The following CDH18 variants were observed in gnomAD, a reference collection of about 807,000 sequenced individuals.
The protein encoded by CDH18 is cadherin-18.
A neutral mutation model predicts 67.9 loss-of-function variants in CDH18; 31 were observed. The ratio of observed to expected loss-of-function variants is 0.46; its 90% CI spans 0.34 to 0.62. The LOEUF (loss-of-function observed/expected upper bound fraction) is 0.62, where lower values mean the gene tolerates loss of function less well. Ranked by LOEUF, CDH18 falls within the 20% of genes least tolerant of loss-of-function variation. CDH18 has a pLI of 0.01. For synonymous variants in CDH18, 362 were observed against 347.2 expected (o/e 1.04, Z -0.48); for missense variants, 890 against 975.5 (o/e 0.91, Z 1.17).
At chr5:19,661,561 T>C (rs983324644) in intron 5 of CDH18, among the ~76,000 whole-genome samples, 3 of 152,006 alleles carry the variant, frequency 2.0e-5, no homozygotes, top group African/African-American at 7.2e-5. Flanking sequence ...TAAAGTAAGA[T>C]TTCGAAGCAA....
intron 1 of CDH18, among the ~76,000 whole-genome samples, chr5:20,357,273 G>A (rs1251044638): frequency 6.6e-6 from 1 of 152,092 alleles, no homozygotes; most frequent in Admixed American, 6.6e-5. Flanking sequence ...TTAAAAGTAG[G>A]AGAGGAAGAG....
At chr5:19,785,328 A>T (rs1182333031) in intron 3 of CDH18, among the ~76,000 whole-genome samples, 1 of 151,912 alleles carries the variant, frequency 6.6e-6, no homozygotes, top group Non-Finnish European at 1.5e-5. Context: ...CACAATTAGT[A>T]CACTGCCCAG....
intron 1 of CDH18, among the ~76,000 whole-genome samples, chr5:20,445,291 G>A (rs1749920031): frequency 1.3e-5 from 2 of 152,130 alleles, no homozygotes; most frequent in South Asian, 4.1e-4. Flanking sequence ...CTTAAACACT[G>A]CAGATTAGAA....
At chr5:19,541,597 G>A (rs1044131325) in intron 9 of CDH18, among the ~76,000 whole-genome samples, 1 of 152,108 alleles carries the variant, frequency 6.6e-6, no homozygotes, top group Admixed American at 6.6e-5. Context: ...CATGAAAGAA[G>A]GCAAAGGAAA....
At chr5:20,311,456 T>A (rs1736984954) in intron 1 of CDH18, among the ~76,000 whole-genome samples, 1 of 152,054 alleles carries the variant, frequency 6.6e-6, no homozygotes, top group Non-Finnish European at 1.5e-5. Flanking sequence ...CATGGAATAC[T>A]ATGCAGCCAT....
chr5:19,651,573 A>G (rs1212818631), intron 5 of CDH18, among the ~76,000 whole-genome samples: 1 of 152,070 alleles, frequency 6.6e-6, no homozygotes, highest in Non-Finnish European at 1.5e-5. Context: ...ACAGTATTTC[A>G]TCTAAAAGAC....
intron 2 of CDH18, among the ~76,000 whole-genome samples, chr5:19,940,094 G>A (rs1431917098): frequency 6.6e-6 from 1 of 151,674 alleles, no homozygotes; most frequent in Non-Finnish European, 1.5e-5. Context: ...TGTATATAGA[G>A]ACCAGTACTT....
At chr5:19,687,411 A>T (rs1399866102) in intron 5 of CDH18, among the ~76,000 whole-genome samples, 1 of 152,160 alleles carries the variant, frequency 6.6e-6, no homozygotes, top group Non-Finnish European at 1.5e-5. Flanking sequence ...ATTCACACAG[A>T]GGACTACAGT....
intron 12 of CDH18, among the ~76,000 whole-genome samples, chr5:19,477,924 G>A (rs576735032): frequency 6.6e-6 from 1 of 152,114 alleles, no homozygotes; most frequent in East Asian, 1.9e-4. Flanking sequence ...TTTTTTACAT[G>A]TCTTTAGTCT....
At chr5:20,436,740 T>G (rs1352415122) in intron 1 of CDH18, among the ~76,000 whole-genome samples, 2 of 151,380 alleles carry the variant, frequency 1.3e-5, no homozygotes, top group Admixed American at 6.6e-5. Flanking sequence ...CGAATTAACT[T>G]TAGGGCTGTA....
At chr5:19,740,383 T>A (rs1017601237) in intron 4 of CDH18, among the ~76,000 whole-genome samples, 33 of 151,082 alleles carry the variant, frequency 2.2e-4, no homozygotes, top group African/African-American at 6.1e-4. Context: ...TTAAAACATT[T>A]AAAAAAAAAT....
At chr5:19,811,541 T>TA (rs140377361) in intron 3 of CDH18, among the ~76,000 whole-genome samples, 15,255 of 152,074 alleles carry the variant, frequency 0.1, 820 homozygotes, top group African/African-American at 0.14. Flanking sequence ...GAGACAATAA[T>TA]AATATGCTGT....
chr5:19,830,080 A>C (rs1780846483), intron 3 of CDH18, among the ~76,000 whole-genome samples: 1 of 152,212 alleles, frequency 6.6e-6, no homozygotes, highest in African/African-American at 2.4e-5. Flanking sequence ...CTAAAGCTAT[A>C]AAAACCCTGG....
chr5:19,776,389 T>C (rs1774378925), intron 3 of CDH18, among the ~76,000 whole-genome samples: 1 of 152,132 alleles, frequency 6.6e-6, no homozygotes, highest in Admixed American at 6.6e-5. Flanking sequence ...CAGGAAGAGA[T>C]TCAAAGCATT....
At chr5:19,481,233 C>G (rs1297546645) in intron 12 of CDH18, among the ~76,000 whole-genome samples, 1 of 152,128 alleles carries the variant, frequency 6.6e-6, no homozygotes, top group Non-Finnish European at 1.5e-5. Context: ...CATATATTCT[C>G]TTGCTGGGCA....
intron 5 of CDH18, among the ~76,000 whole-genome samples, chr5:19,704,476 C>A (rs1763683362): frequency 6.6e-6 from 1 of 152,068 alleles, no homozygotes. Context: ...AATTATACAG[C>A]CCTCAAGGTC....
intron 1 of CDH18, among the ~76,000 whole-genome samples, chr5:20,529,137 A>T (rs147047623): frequency 3.2e-4 from 48 of 152,168 alleles, no homozygotes; most frequent in African/African-American, 9.6e-4. Flanking sequence ...TAAACTGGAA[A>T]ATCTAGAAGA....
intron 5 of CDH18, among the ~76,000 whole-genome samples, chr5:19,653,169 C>T (rs1479013807): frequency 6.6e-6 from 1 of 151,580 alleles, no homozygotes; most frequent in Non-Finnish European, 1.5e-5. Context: ...TGGCAAAAAC[C>T]GCCATTACAT....
intron 2 of CDH18, among the ~76,000 whole-genome samples, chr5:20,206,554 C>T (rs761951094): frequency 1.4e-4 from 22 of 151,860 alleles, no homozygotes; most frequent in Non-Finnish European, 2.9e-4. Flanking sequence ...GTCAGTGTTA[C>T]TGGTGAATAC....
Sources: gnomAD v4.1 joint callset for allele counts (sites outside exome capture counted in the v4.1 genomes callset) on GRCh38, gnomAD v4.1.1 for gene constraint, MANE v1.5 for transcripts, NCBI Gene and HGNC (gene_info 2026-07-23, HGNC 2026-07-21) for gene names.